Variants in UBE2E2 observed in about 807,000 individuals in gnomAD.
UBE2E2 encodes ubiquitin conjugating enzyme E2 E2, also known as ubiquitin-conjugating enzyme E2 E2.
A neutral mutation model predicts 24.7 loss-of-function variants in UBE2E2; 6 were observed. That is an observed-to-expected ratio of 0.24 (90% CI 0.13 to 0.48). The LOEUF (loss-of-function observed/expected upper bound fraction) is 0.48, where lower values mean the gene tolerates loss of function less well. Among genes scored for constraint, UBE2E2 ranks in the 20% least tolerant of loss-of-function variants. The pLI is 0.99. For synonymous variants in UBE2E2, 104 were observed against 83.6 expected, an observed-to-expected ratio of 1.24 and a Z score of -1.33; for missense variants, 169 against 245.0, an observed-to-expected ratio of 0.69 and a Z score of 2.07.
chr3:23,385,128 T>G (rs13326048), intron 3 of UBE2E2, among the ~76,000 whole-genome samples: 4 of 152,066 alleles, frequency 2.6e-5, no homozygotes, highest in Admixed American at 2.6e-4. Flanking sequence ...GGTTGTTAAC[T>G]GCTTTAAAGA....
intron 3 of UBE2E2, among the ~76,000 whole-genome samples, chr3:23,479,340 A>G (rs1240135762): frequency 6.6e-6 from 1 of 152,186 alleles, no homozygotes; most frequent in Non-Finnish European, 1.5e-5. Context: ...GACGTACCAC[A>G]AGTGACTTCT....
intron 3 of UBE2E2, among the ~76,000 whole-genome samples, chr3:23,294,250 C>T (rs1187353560): frequency 2.0e-5 from 3 of 152,034 alleles, no homozygotes; most frequent in Non-Finnish European, 4.4e-5. Context: ...AGATAAAAAG[C>T]AATTCTCACC....
chr3:23,353,002 C>A (rs372052863), intron 3 of UBE2E2, among the ~76,000 whole-genome samples: 4,386 of 152,166 alleles, frequency 0.029, 107 homozygotes, highest in East Asian at 0.13. Context: ...ACTAGCAAAC[C>A]GAATCCAGCA....
intron 3 of UBE2E2, among the ~76,000 whole-genome samples, chr3:23,287,594 C>T (rs1175782547): frequency 5.3e-5 from 8 of 151,976 alleles, no homozygotes; most frequent in Admixed American, 4.6e-4. Flanking sequence ...GATTTGATGT[C>T]ATTACTTGTT....
chr3:23,335,919 T>C (rs1695195186), intron 3 of UBE2E2, among the ~76,000 whole-genome samples: 1 of 152,140 alleles, frequency 6.6e-6, no homozygotes, highest in African/African-American at 2.4e-5. Flanking sequence ...AGCTCTTTGC[T>C]CAAAAATACT....
rs116263773 is a variant in UBE2E2 at position 23,312,513 on chromosome 3, C to T, written c.227+95201C>T. On this transcript the variant is annotated intron_variant, in intron 3 of 5. Transcript: ENST00000396703. ...AATCCGTTAACCATCCCACGTTTCC[C>T]CAATCATCCCCCTACCCTTCCCAGC... Among the ~76,000 whole-genome samples, 407 of 152,044 alleles carry T rather than the reference C, an allele frequency of 2.7e-3. 1 individual carries two copies. Among genetic ancestry groups the T allele is most frequent in the African/African-American group, 8.8e-3 (366 of 41,480 alleles).
intron 5 of UBE2E2, among the ~76,000 whole-genome samples, chr3:23,559,130 C>A (rs1430842283): frequency 6.6e-6 from 1 of 152,114 alleles, no homozygotes; most frequent in Non-Finnish European, 1.5e-5. Flanking sequence ...AAATAACCAG[C>A]TAATGAAATT....
chr3:23,483,601 A>G (rs929703942), intron 3 of UBE2E2, among the ~76,000 whole-genome samples: 11 of 152,236 alleles, frequency 7.2e-5, no homozygotes, highest in African/African-American at 2.7e-4. Flanking sequence ...ACTAGTGCCT[A>G]TCAAACTTTT....
chr3:23,548,262 A>T (rs773318903), intron 5 of UBE2E2, among the ~76,000 whole-genome samples: 4 of 151,836 alleles, frequency 2.6e-5, no homozygotes, highest in Non-Finnish European at 4.4e-5. Flanking sequence ...CTGTTTCATT[A>T]TTTTTCTTAC....
chr3:23,398,276 G>T (rs557675665), intron 3 of UBE2E2, among the ~76,000 whole-genome samples: 1 of 132,114 alleles, frequency 7.6e-6, no homozygotes. Context: ...TGGCACCACT[G>T]CACTCCATTC....
chr3:23,418,083 C>T (rs1387124929), intron 3 of UBE2E2, among the ~76,000 whole-genome samples: 4 of 152,094 alleles, frequency 2.6e-5, no homozygotes, highest in Non-Finnish European at 5.9e-5. Flanking sequence ...GTCTTGCTGG[C>T]GTTGCAGGCA....
At chr3:23,341,088 C>G (rs374091439) in intron 3 of UBE2E2, among the ~76,000 whole-genome samples, 2 of 152,130 alleles carry the variant, frequency 1.3e-5, no homozygotes, top group African/African-American at 2.4e-5. Flanking sequence ...CTCACAGAAT[C>G]AGGAGCCTTG....
At chr3:23,380,004 C>T (rs568578971) in intron 3 of UBE2E2, among the ~76,000 whole-genome samples, 1 of 145,580 alleles carries the variant, frequency 6.9e-6, no homozygotes, top group South Asian at 2.2e-4. Context: ...CATAAATTAA[C>T]TTAGTGAAAC....
In UBE2E2 at chr3:23,203,458, C is replaced by G. The variant is rs1197304034; in HGVS notation, c.-15C>G. 13 of 979,466 alleles carry G rather than the reference C, an allele frequency of 1.3e-5. 1 individual carries two copies. In the South Asian group the frequency reaches 5.7e-4, roughly 43 times the overall value. 60.7% of individuals were successfully genotyped at this position (979,466 alleles called of 1,614,324 possible). A position where few individuals can be genotyped will look rare whatever the true frequency, so the allele number is the denominator to read the frequency against. On this transcript the variant is annotated 5_prime_UTR_variant, in exon 1 of 6. Coordinates refer to ENST00000396703, the MANE Select transcript of UBE2E2 (RefSeq NM_152653.4). Reference sequence around the variant, plus strand: ...GCCTGCGACCTGCACGGACACCCCCCCCTCAGGTATTCGCTCGGGCCGCGC... The same window carrying G: ...GCCTGCGACCTGCACGGACACCCCCGCCTCAGGTATTCGCTCGGGCCGCGC...
At chr3:23,311,780 A>C (rs1275929586) in intron 3 of UBE2E2, among the ~76,000 whole-genome samples, 1 of 152,048 alleles carries the variant, frequency 6.6e-6, no homozygotes, top group Non-Finnish European at 1.5e-5. Context: ...ATATATATTT[A>C]TGGGATACAG....
At chr3:23,327,341 T>G (rs1694929730) in intron 3 of UBE2E2, among the ~76,000 whole-genome samples, 1 of 152,192 alleles carries the variant, frequency 6.6e-6, no homozygotes, top group Non-Finnish European at 1.5e-5. Context: ...ACCTGTTGTT[T>G]CCTGACTTTT....
intron 3 of UBE2E2, among the ~76,000 whole-genome samples, chr3:23,411,425 C>G (rs1234110847): frequency 6.6e-6 from 1 of 152,112 alleles, no homozygotes; most frequent in Non-Finnish European, 1.5e-5. Context: ...TCCTTTGCCT[C>G]TTGCCTGATG....
In UBE2E2 at chr3:23,546,213, C is replaced by G. The variant is rs150502980; in HGVS notation, c.508+13512C>G. ...AAAGAACTTGATCTGATTGAAAAGT[C>G]ACTGTATCTTATGAAAATTCTCTTC... On this transcript the variant is annotated intron_variant, in intron 5 of 5. Coordinates refer to ENST00000396703, the MANE Select transcript of UBE2E2 (RefSeq NM_152653.4). Among the ~76,000 whole-genome samples, 72 of 152,202 alleles carry G rather than the reference C, an allele frequency of 4.7e-4. 1 individual carries two copies. The East Asian group carries it at 0.013, about 27-fold the overall frequency.
chr3:23,545,760 T>A (rs1695508486), intron 5 of UBE2E2, among the ~76,000 whole-genome samples: 1 of 152,082 alleles, frequency 6.6e-6, no homozygotes, highest in South Asian at 2.1e-4. Context: ...ATGGAACCAA[T>A]CTAAGTGCCC....
Sources: allele counts gnomAD v4.1 joint callset (sites outside exome capture counted in the v4.1 genomes callset), GRCh38; gene constraint gnomAD v4.1.1; transcripts MANE v1.5; gene names NCBI Gene and HGNC (gene_info 2026-07-23, HGNC 2026-07-21).